ERBB4: variants seen among roughly 807,000 people sequenced by gnomAD.
ERBB4 encodes the protein erb-b2 receptor tyrosine kinase 4, also known as receptor tyrosine-protein kinase erbB-4.
A neutral mutation model predicts 158.0 loss-of-function variants in ERBB4; 42 were observed. That is an observed-to-expected ratio of 0.27 (90% CI 0.21 to 0.34). ERBB4 has a LOEUF of 0.34. ERBB4 is among the 10% of genes least tolerant of loss of function. The pLI, the probability that ERBB4 is intolerant of heterozygous loss-of-function variation, is 1.00. For synonymous variants in ERBB4, 583 were observed against 558.7 expected (o/e 1.04, Z -0.61); for missense variants, 1,333 against 1,624.1 (o/e 0.82, Z 3.08).
chr2:211,822,268 T>C (rs1188978260), intron 3 of ERBB4, among the ~76,000 whole-genome samples: 2 of 151,746 alleles, frequency 1.3e-5, no homozygotes, highest in African/African-American at 2.4e-5. Context: ...TAATAATATA[T>C]AGTTTAAAAT....
chr2:211,435,963 GTT>G (rs11300609), intron 20 of ERBB4, among the ~76,000 whole-genome samples: 1 of 149,946 alleles, frequency 6.7e-6, no homozygotes, highest in African/African-American at 2.5e-5. Context: ...TGTTTTCTTT[GTT>G]TTTTTTTTTG....
chr2:212,334,517 TA>T (rs763175305), intron 1 of ERBB4, among the ~76,000 whole-genome samples: 1 of 152,022 alleles, frequency 6.6e-6, no homozygotes, highest in Non-Finnish European at 1.5e-5. Context: ...AATTGTTAGT[TA>T]AAATGTATTT....
chr2:211,496,786 T>G (rs4321319), intron 20 of ERBB4, among the ~76,000 whole-genome samples: 17,649 of 152,182 alleles, frequency 0.12, 1,391 homozygotes, highest in African/African-American at 0.23. Flanking sequence ...GGCCTTGGTT[T>G]ATACTTGTTT....
At chr2:212,183,157 CT>C (rs2081923724) in intron 1 of ERBB4, among the ~76,000 whole-genome samples, 1 of 151,614 alleles carries the variant, frequency 6.6e-6, no homozygotes, top group Non-Finnish European at 1.5e-5. Context: ...TAATCTATGC[CT>C]TTTAGAAATG....
rs1407386498 is a variant in ERBB4, at chr2:211,873,825, G to A, written c.421+73605C>T. On this transcript the variant is annotated intron_variant, in intron 3 of 27. Transcript: ENST00000342788. ...AAGTCTTCTGTGGCATAGGTTTCTG[G>A]AAGTAAAATAATTGTGTAAAACAAT... 8.0e-5 allele frequency among the ~76,000 whole-genome samples: 12 copies of A among 149,720 alleles called. 1 individual carries two copies. The highest frequency in any genetic ancestry group is 1.8e-4 in the Non-Finnish European group (12 of 67,672).
chr2:211,871,982 C>A (rs1384581646), intron 3 of ERBB4, among the ~76,000 whole-genome samples: 3 of 152,092 alleles, frequency 2.0e-5, no homozygotes, highest in African/African-American at 7.2e-5. Flanking sequence ...GGAAGCATGT[C>A]TCCAAATAAA....
chr2:212,236,356 G>A (rs2083873764), intron 1 of ERBB4, among the ~76,000 whole-genome samples: 1 of 152,216 alleles, frequency 6.6e-6, no homozygotes, highest in Non-Finnish European at 1.5e-5. Context: ...TGTGCTGCTG[G>A]ATTCAGTTTG....
intron 25 of ERBB4, among the ~76,000 whole-genome samples, chr2:211,415,107 CTTTTTTTTTTTTT>C (rs71047175): frequency 1.4e-4 from 10 of 72,540 alleles, no homozygotes; most frequent in Middle Eastern, 0.013. Flanking sequence ...CTTACATTTT[CTTTTTTTTTTTTT>C]TTTTTTTTTT....
intron 5 of ERBB4, among the ~76,000 whole-genome samples, chr2:211,738,377 T>G (rs754065625): frequency 0.12 from 18,139 of 149,134 alleles, 2,991 homozygotes; most frequent in African/African-American, 0.37. Context: ...TTTTTTTTTT[T>G]TTTTTTTTTG....
chr2:212,124,104 A>T (rs16847744), intron 2 of ERBB4, among the ~76,000 whole-genome samples: 2,925 of 152,306 alleles, frequency 0.019, 87 homozygotes, highest in African/African-American at 0.067. Context: ...CATTAGCACT[A>T]ACAGCCAGTT....
intron 15 of ERBB4, among the ~76,000 whole-genome samples, chr2:211,663,257 T>A (rs931833566): frequency 7.2e-5 from 11 of 152,182 alleles, no homozygotes; most frequent in African/African-American, 2.7e-4. Context: ...AGTGAGTGAA[T>A]CTGGACAATA....
intron 3 of ERBB4, among the ~76,000 whole-genome samples, chr2:211,919,661 A>C (rs1475549904): frequency 6.6e-6 from 1 of 152,010 alleles, no homozygotes; most frequent in Non-Finnish European, 1.5e-5. Context: ...TTATATTTGT[A>C]ACCCAAAACA....
chr2:212,088,122 G>A (rs1042810236), intron 2 of ERBB4, among the ~76,000 whole-genome samples: 3 of 152,016 alleles, frequency 2.0e-5, no homozygotes, highest in Non-Finnish European at 2.9e-5. Flanking sequence ...AAAATCTGCT[G>A]GGAAAAGGCT....
chr2:211,441,906 C>T (rs2063987159), intron 20 of ERBB4, among the ~76,000 whole-genome samples: 1 of 152,270 alleles, frequency 6.6e-6, no homozygotes, highest in East Asian at 1.9e-4. Context: ...AGGCTCAGAT[C>T]TAGTCCAAGA....
At chr2:211,624,091 T>C in intron 17 of ERBB4, 47 bp from the exon 18 acceptor site, 1 of 1,612,124 alleles carries the variant, frequency 6.2e-7, no homozygotes, top group Non-Finnish European at 8.5e-7. Context: ...CGATAGTCAG[T>C]CCTCTCTCTC....
At chr2:212,528,378 T>C (rs1466210722) in intron 1 of ERBB4, among the ~76,000 whole-genome samples, 1 of 152,132 alleles carries the variant, frequency 6.6e-6, no homozygotes, top group Non-Finnish European at 1.5e-5. Context: ...ACCAGACTAG[T>C]GCACCAGTTA....
chr2:211,872,523 T>C (rs1197457265), intron 3 of ERBB4, among the ~76,000 whole-genome samples: 7 of 152,282 alleles, frequency 4.6e-5, no homozygotes, highest in African/African-American at 1.7e-4. Flanking sequence ...ACAGATAAAA[T>C]AGATTTCCAA....
At chr2:212,200,740 C>T (rs6725041) in intron 1 of ERBB4, among the ~76,000 whole-genome samples, 84,312 of 152,010 alleles carry the variant, frequency 0.55, 25,540 homozygotes, top group African/African-American at 0.79. Context: ...ATTGATATTC[C>T]TTTCCTAATA....
intron 4 of ERBB4, among the ~76,000 whole-genome samples, chr2:211,754,842 A>T (rs1035649823): frequency 7.9e-5 from 12 of 151,564 alleles, no homozygotes; most frequent in African/African-American, 2.9e-4. Context: ...CTGGGATTAT[A>T]GAAATGCACC....
Sources: allele counts gnomAD v4.1 joint callset (sites outside exome capture counted in the v4.1 genomes callset), GRCh38; gene constraint gnomAD v4.1.1; transcripts MANE v1.5; gene names NCBI Gene and HGNC (gene_info 2026-07-23, HGNC 2026-07-21).